Variants in PRKDC observed in about 807,000 individuals in gnomAD.
PRKDC encodes the protein DNA-dependent protein kinase catalytic subunit.
PRKDC carries 82 observed loss-of-function variants against 486.9 expected under a neutral mutation model. The ratio of observed to expected loss-of-function variants is 0.17; its 90% CI spans 0.14 to 0.20. PRKDC has a LOEUF of 0.20. PRKDC is among the 10% of genes least tolerant of loss of function. PRKDC has a pLI of 1.00. For synonymous variants in PRKDC, 1,895 were observed against 1,837.0 expected (o/e 1.03, Z -0.81); for missense variants, 4,504 against 5,038.2 (o/e 0.89, Z 3.21).
chr8:47,953,683 G>A lies in PRKDC; in HGVS notation c.658C>T (p.Leu220=), dbSNP rs755898473. Residue 220 remains leucine (L), a synonymous_variant, in exon 7 of 86, where the codon CTG becomes TTG. Coordinates refer to ENST00000314191, the MANE Select transcript of PRKDC (RefSeq NM_006904.7). ...SAVREPKLPV[L]AGCLKGLSSL... ...GACAACCCCTTCAGACATCCTGCCA[G>A]AACAGGTAGTTTGGGCTCTCTTACT... The A allele has an allele frequency of 1.2e-6, 2 of 1,613,420 alleles. No individual in the cohort carries two copies. Among genetic ancestry groups the A allele is most frequent in the South Asian group, 1.1e-5 (1 of 90,824 alleles).
chr8:47,942,869 G>C (rs2090468762), intron 10 of PRKDC, among the ~76,000 whole-genome samples: 2 of 152,216 alleles, frequency 1.3e-5, no homozygotes, highest in East Asian at 1.9e-4. Flanking sequence ...CCTGGAGACA[G>C]CTAGCCCTCC....
chr8:47,827,996 A>G (rs575886216), intron 62 of PRKDC, among the ~76,000 whole-genome samples, 172 bp downstream of exon 62: 1 of 152,282 alleles, frequency 6.6e-6, no homozygotes, highest in East Asian at 1.9e-4. Context: ...TTCTGGGGGG[A>G]AAAAATAAAT....
chr8:47,816,070 C>T (rs548364315), intron 68 of PRKDC, among the ~76,000 whole-genome samples: 75 of 152,146 alleles, frequency 4.9e-4, no homozygotes, highest in South Asian at 3.5e-3. Flanking sequence ...AAAATTTAGC[C>T]GGGCATGGTA....
At chr8:47,781,975 TGTATTACG>T (rs2086706487) in intron 80 of PRKDC, among the ~76,000 whole-genome samples, 179 bp downstream of exon 80, 1 of 152,260 alleles carries the variant, frequency 6.6e-6, no homozygotes, top group African/African-American at 2.4e-5. Context: ...ATAAATATTT[TGTATTACG>T]GTAAAATATC....
intron 32 of PRKDC, 109 bp from the exon 33 acceptor site, chr8:47,889,331 G>T: frequency 1.1e-6 from 1 of 910,698 alleles, no homozygotes; most frequent in Non-Finnish European, 1.6e-6. Context: ...GGAGAGGTGG[G>T]CAGAGTTTCT....
chr8:47,822,199 GAGA>G (rs2087615245), intron 64 of PRKDC, among the ~76,000 whole-genome samples: 1 of 150,820 alleles, frequency 6.6e-6, no homozygotes, highest in Admixed American at 6.6e-5. Context: ...AGGCTGAGGT[GAGA>G]AGATCACTTG....
intron 13 of PRKDC, 77 bp downstream of exon 13, chr8:47,935,655 C>A: frequency 5.6e-6 from 8 of 1,422,746 alleles, no homozygotes; most frequent in East Asian, 2.4e-5. Flanking sequence ...ATTTGGTAAC[C>A]AGATTCTCTT....
intron 7 of PRKDC, among the ~76,000 whole-genome samples, chr8:47,950,061 C>A (rs898349420): frequency 4.0e-5 from 6 of 149,712 alleles, no homozygotes; most frequent in African/African-American, 1.5e-4. Context: ...CACCTGAGGT[C>A]AGGAGTTGGA....
chr8:47,789,429 A>G (rs1463378502), intron 74 of PRKDC, among the ~76,000 whole-genome samples, 191 bp from the exon 75 acceptor site: 4 of 151,704 alleles, frequency 2.6e-5, no homozygotes, highest in Non-Finnish European at 5.9e-5. Flanking sequence ...ATTCCACCCA[A>G]TGTTAAATGA....
At chr8:47,959,556 G>A (rs1413260611) in intron 1 of PRKDC, among the ~76,000 whole-genome samples, 2 of 151,918 alleles carry the variant, frequency 1.3e-5, no homozygotes, top group Non-Finnish European at 2.9e-5. Context: ...GCGCGCGCCT[G>A]TAATCCCAGC....
chr8:47,840,001 C>A lies in PRKDC; in HGVS notation c.7454+15G>T, dbSNP rs2088106229. On this transcript the variant is annotated intron_variant, in intron 55 of 85. Coordinates refer to ENST00000314191, the MANE Select transcript of PRKDC (RefSeq NM_006904.7). ...CAAAAAAGTAACAAAATAAAATAGT[C>A]AATGTATAGCTTACCTGTAATTATC... 1.3e-6 allele frequency: 2 copies of A among 1,504,528 alleles called. No individual in the cohort carries two copies. Among genetic ancestry groups the A allele is most frequent in the South Asian group, 1.3e-5 (1 of 78,976 alleles). The allele number at this position is 1,504,528 out of a possible 1,614,324, so 93.2% of individuals were successfully genotyped here. A position where few individuals can be genotyped will look rare whatever the true frequency, so the allele number is the denominator to read the frequency against.
chr8:47,926,458 T>G (rs997100734), intron 21 of PRKDC, among the ~76,000 whole-genome samples: 1 of 152,208 alleles, frequency 6.6e-6, no homozygotes, highest in Non-Finnish European at 1.5e-5. Context: ...TTTTCTGTAT[T>G]TCTTTTTTTG....
chr8:47,893,041 C>A (rs1395805702), intron 31 of PRKDC, 98 bp downstream of exon 31: 1 of 1,401,016 alleles, frequency 7.1e-7, no homozygotes, highest in East Asian at 2.5e-5. Context: ...GTGCACAGCA[C>A]CTACCATCAT....
intron 7 of PRKDC, among the ~76,000 whole-genome samples, 166 bp from the exon 8 acceptor site, chr8:47,944,195 C>T (rs149721614): frequency 2.2e-4 from 33 of 152,230 alleles, no homozygotes; most frequent in African/African-American, 6.5e-4. Flanking sequence ...TACTGCTGCA[C>T]GGTTATGACT....
chr8:47,773,494 A>C lies in PRKDC; in HGVS notation c.*679T>G, dbSNP rs918181027. 4.5e-6 allele frequency: 1 copy of C among 220,138 alleles called. No individual in the cohort carries two copies. The highest frequency in any genetic ancestry group is 2.2e-5 in the African/African-American group (1 of 44,680). The allele number at this position is 220,138 out of a possible 1,614,324, so 13.6% of individuals were successfully genotyped here. A position where few individuals can be genotyped will look rare whatever the true frequency, so the allele number is the denominator to read the frequency against. On this transcript the variant is annotated 3_prime_UTR_variant, in exon 86 of 86. Coordinates refer to ENST00000314191, the MANE Select transcript of PRKDC (RefSeq NM_006904.7). Reference sequence around the variant, plus strand: ...TATGTATCTTCCAGTTGTAGATTGGAATAGCAAAAGTGAATGCTATGACCA... The same window carrying C: ...TATGTATCTTCCAGTTGTAGATTGGCATAGCAAAAGTGAATGCTATGACCA...
Position 47,828,301 on chromosome 8 carries a change from C to G in PRKDC, c.8444G>C (p.Gly2815Ala), listed in dbSNP as rs987446036. The stretch of plus-strand genomic sequence containing the variant: ...AAATTTATCCATCTCTTTCAAAATT[C>G]CAGAAAACAAGCTGCTAAAGAGCTG... The part of the protein sequence containing the change: ...AKQLFSSLFS[G>A]ILKEMDKFKT... Residue 2815 changes from glycine (G) to alanine (A), a missense_variant, in exon 62 of 86, where the codon GGA becomes GCA. Transcript: ENST00000314191. 3.7e-6 allele frequency: 6 copies of G among 1,600,946 alleles called. No homozygotes were observed. Among genetic ancestry groups the G allele is most frequent in the Non-Finnish European group, 5.1e-6 (6 of 1,173,544 alleles).
At chr8:47,927,017 ATTTC>A in intron 21 of PRKDC, 173 bp downstream of exon 21, 1 of 665,740 alleles carries the variant, frequency 1.5e-6, no homozygotes, top group Non-Finnish European at 2.4e-6. Flanking sequence ...CCTCAACTAT[ATTTC>A]TTTATCACAA....
At chr8:47,917,769 T>C (rs987825735) in intron 22 of PRKDC, among the ~76,000 whole-genome samples, 3 of 152,148 alleles carry the variant, frequency 2.0e-5, no homozygotes, top group African/African-American at 7.2e-5. Context: ...ACTAAATACA[T>C]TTGAGGGCAG....
chr8:47,924,792 C>A (rs958555690), intron 21 of PRKDC, among the ~76,000 whole-genome samples: 1 of 152,040 alleles, frequency 6.6e-6, no homozygotes, highest in Non-Finnish European at 1.5e-5. Flanking sequence ...CAGAGGGAGA[C>A]GGAGGACCAT....
Sources: allele counts gnomAD v4.1 joint callset (sites outside exome capture counted in the v4.1 genomes callset), GRCh38; gene constraint gnomAD v4.1.1; transcripts MANE v1.5; gene names NCBI Gene and HGNC (gene_info 2026-07-23, HGNC 2026-07-21).